The following RARB variants were observed in gnomAD, a reference collection of about 807,000 sequenced individuals.
RARB encodes retinoic acid receptor beta.
Under a neutral mutation model 51.9 loss-of-function variants are expected in RARB, and 17 were observed. That is an observed-to-expected ratio of 0.33 (90% CI 0.22 to 0.49). The LOEUF (loss-of-function observed/expected upper bound fraction) is 0.49. RARB is among the 20% of genes least tolerant of loss of function. RARB has a pLI of 0.99. For synonymous variants in RARB, 215 were observed against 195.4 expected (o/e 1.10, Z -0.84); for missense variants, 369 against 550.8 (o/e 0.67, Z 3.30).
At chr3:25,273,429 T>A (rs2125412439) in intron 5 of RARB, among the ~76,000 whole-genome samples, 1 of 152,296 alleles carries the variant, frequency 6.6e-6, no homozygotes, top group South Asian at 2.1e-4. Context: ...CTAATCCGGT[T>A]ATGACGAGTT....
intron 5 of RARB, among the ~76,000 whole-genome samples, chr3:25,592,759 T>G (rs915711292): frequency 1.3e-5 from 2 of 152,180 alleles, no homozygotes; most frequent in South Asian, 4.1e-4. Context: ...GCCTACACTT[T>G]AGGGTTCGGT....
chr3:25,114,720 T>G (rs1699657550), intron 3 of RARB, among the ~76,000 whole-genome samples: 1 of 152,164 alleles, frequency 6.6e-6, no homozygotes, highest in African/African-American at 2.4e-5. Context: ...GAAAGAAGAT[T>G]AGGTTGCTGT....
chr3:24,942,763 T>C (rs150281779), intron 2 of RARB, among the ~76,000 whole-genome samples: 36 of 152,310 alleles, frequency 2.4e-4, no homozygotes, highest in African/African-American at 8.2e-4. Flanking sequence ...GTGGCATTGA[T>C]AGAGAAAGAA....
chr3:24,977,909 T>C (rs549267676), intron 2 of RARB, among the ~76,000 whole-genome samples: 1 of 152,314 alleles, frequency 6.6e-6, no homozygotes, highest in African/African-American at 2.4e-5. Context: ...ATAGCTCTTA[T>C]TATTTTGAGA....
At chr3:25,194,510 T>C (rs532771712) in intron 5 of RARB, among the ~76,000 whole-genome samples, 1 of 150,698 alleles carries the variant, frequency 6.6e-6, no homozygotes, top group East Asian at 1.9e-4. Flanking sequence ...CATAGTGATA[T>C]ATATATGTTG....
chr3:25,363,524 T>G (rs1706018619), intron 5 of RARB, among the ~76,000 whole-genome samples: 1 of 152,174 alleles, frequency 6.6e-6, no homozygotes. Context: ...GTCTCCTTTC[T>G]TTCTGTCTTA....
intron 2 of RARB, among the ~76,000 whole-genome samples, chr3:24,905,823 C>T (rs559324924): frequency 2.0e-5 from 3 of 152,192 alleles, no homozygotes; most frequent in African/African-American, 4.8e-5. Context: ...TACCTACTTA[C>T]ATATTATCCA....
intron 5 of RARB, among the ~76,000 whole-genome samples, chr3:25,400,385 G>A (rs536738518): frequency 1.3e-5 from 2 of 152,284 alleles, no homozygotes; most frequent in Admixed American, 1.3e-4. Context: ...TCATGATCTG[G>A]TAAGGGGAAG....
intron 2 of RARB, among the ~76,000 whole-genome samples, chr3:25,475,797 CT>C: frequency 6.6e-6 from 1 of 152,340 alleles, no homozygotes; most frequent in Non-Finnish European, 1.5e-5. Context: ...GGAAATGCAT[CT>C]GGCATTTGTT....
intron 4 of RARB, among the ~76,000 whole-genome samples, chr3:25,573,109 A>C (rs1455251910): frequency 6.6e-6 from 1 of 152,032 alleles, no homozygotes; most frequent in Admixed American, 6.5e-5. Context: ...GGTATCCTCT[A>C]AACCACGTCC....
intron 2 of RARB, among the ~76,000 whole-genome samples, chr3:24,884,756 T>C (rs139491288): frequency 6.6e-6 from 1 of 152,178 alleles, no homozygotes; most frequent in African/African-American, 2.4e-5. Flanking sequence ...CTCGATAACA[T>C]CTAATTAACT....
chr3:25,043,172 T>C (rs1698147658), intron 2 of RARB, among the ~76,000 whole-genome samples: 2 of 152,236 alleles, frequency 1.3e-5, no homozygotes, highest in East Asian at 3.8e-4. Flanking sequence ...TTAATAGTCA[T>C]AACTCATCAA....
At chr3:25,457,063 T>G (rs1048411718) in intron 1 of RARB, among the ~76,000 whole-genome samples, 7 of 152,112 alleles carry the variant, frequency 4.6e-5, no homozygotes, top group African/African-American at 1.7e-4. Flanking sequence ...TGTTTTGTTT[T>G]TCTGTTTTAA....
At chr3:25,274,147 AAATT>A (rs1350535521) in intron 5 of RARB, among the ~76,000 whole-genome samples, 18 of 152,236 alleles carry the variant, frequency 1.2e-4, no homozygotes, top group African/African-American at 3.9e-4. Flanking sequence ...GAAACCAGTG[AAATT>A]AATTTCAACA....
intron 5 of RARB, among the ~76,000 whole-genome samples, chr3:25,350,185 A>G (rs999293477): frequency 6.6e-6 from 1 of 152,152 alleles, no homozygotes; most frequent in African/African-American, 2.4e-5. Flanking sequence ...AAGCCAGCCC[A>G]AACTCAAGGA....
chr3:25,198,670 G>A (rs184648140), intron 5 of RARB, among the ~76,000 whole-genome samples: 29 of 152,000 alleles, frequency 1.9e-4, no homozygotes, highest in African/African-American at 6.0e-4. Flanking sequence ...TACAAATTGC[G>A]AACAGGTATA....
At chr3:25,481,924 G>A (rs1696241941) in intron 2 of RARB, among the ~76,000 whole-genome samples, 1 of 152,148 alleles carries the variant, frequency 6.6e-6, no homozygotes, top group Non-Finnish European at 1.5e-5. Flanking sequence ...ATCCCACAAG[G>A]TAGAAAATAG....
At chr3:25,467,118 C>G (rs545982892) in intron 2 of RARB, among the ~76,000 whole-genome samples, 1 of 152,320 alleles carries the variant, frequency 6.6e-6, no homozygotes, top group Admixed American at 6.5e-5. Flanking sequence ...CACTCAAATC[C>G]CACTTTCCCA....
At chr3:25,396,771 A>G (rs1176853791) in intron 5 of RARB, among the ~76,000 whole-genome samples, 1 of 152,022 alleles carries the variant, frequency 6.6e-6, no homozygotes, top group African/African-American at 2.4e-5. Context: ...CAGGGGGATT[A>G]TGGTTGCCTC....
Sources: gnomAD v4.1 joint callset for allele counts (sites outside exome capture counted in the v4.1 genomes callset) on GRCh38, gnomAD v4.1.1 for gene constraint, MANE v1.5 for transcripts, NCBI Gene and HGNC (gene_info 2026-07-23, HGNC 2026-07-21) for gene names.